Variants in ANO3 observed in about 807,000 individuals in gnomAD.
ANO3 encodes anoctamin 3, also known as anoctamin-3.
A neutral mutation model predicts 144.8 loss-of-function variants in ANO3; 99 were observed. That is an observed-to-expected ratio of 0.68 (90% CI 0.58 to 0.81). The LOEUF is 0.81. ANO3 is among the 30% of genes least tolerant of loss of function. The pLI, the probability that ANO3 is intolerant of heterozygous loss-of-function variation, is 0.00. For missense variants in ANO3, 905 were observed against 1,202.2 expected (o/e 0.75, Z 3.66); for synonymous variants, 414 against 392.6 (o/e 1.05, Z -0.64).
At chr11:26,341,089 C>T (rs895406397) in intron 1 of ANO3, among the ~76,000 whole-genome samples, 1 of 152,008 alleles carries the variant, frequency 6.6e-6, no homozygotes, top group African/African-American at 2.4e-5. Flanking sequence ...CCCCTCCCCT[C>T]CCCGCTTCTC....
intron 14 of ANO3, among the ~76,000 whole-genome samples, chr11:26,585,986 G>T (rs1851263832): frequency 6.6e-6 from 1 of 152,100 alleles, no homozygotes; most frequent in African/African-American, 2.4e-5. Flanking sequence ...AAAACAAAAT[G>T]ACAGCATTAT....
chr11:26,292,929 C>T (rs1487908332), intron 1 of ANO3, among the ~76,000 whole-genome samples: 2 of 152,118 alleles, frequency 1.3e-5, no homozygotes, highest in African/African-American at 2.4e-5. Context: ...TCTCAAACTC[C>T]GTGCTGGGAG....
chr11:26,560,899 G>T, intron 14 of ANO3: 1 of 615,272 alleles, frequency 1.6e-6, no homozygotes, highest in Non-Finnish European at 2.6e-6. Flanking sequence ...GAAAACCTTT[G>T]GATGATACAT....
chr11:26,430,661 A>T (rs1324833918), intron 1 of ANO3, among the ~76,000 whole-genome samples: 2 of 152,214 alleles, frequency 1.3e-5, no homozygotes, highest in Admixed American at 1.3e-4. Context: ...CAGAAAAGCA[A>T]TACATAAAGT....
intron 2 of ANO3, 44 bp from the exon 3 acceptor site, chr11:26,443,721 T>C (rs771986621): frequency 8.1e-7 from 1 of 1,230,126 alleles, no homozygotes; most frequent in South Asian, 1.4e-5. Context: ...TCTGTTGTTA[T>C]GCTTTTATTT....
At chr11:26,278,964 T>G (rs1853618642) in intron 1 of ANO3, among the ~76,000 whole-genome samples, 1 of 152,158 alleles carries the variant, frequency 6.6e-6, no homozygotes, top group Admixed American at 6.6e-5. Context: ...CCTTTCTACC[T>G]TTATGCTCCA....
intron 1 of ANO3, among the ~76,000 whole-genome samples, chr11:26,274,701 T>C (rs1853519590): frequency 6.6e-6 from 1 of 152,166 alleles, no homozygotes; most frequent in Admixed American, 6.6e-5. Flanking sequence ...TTGGTTACTT[T>C]GTTATACTTT....
intron 1 of ANO3, among the ~76,000 whole-genome samples, chr11:26,337,930 G>A (rs1855234829): frequency 1.3e-5 from 2 of 151,768 alleles, no homozygotes; most frequent in African/African-American, 4.8e-5. Context: ...GCAAAACTCA[G>A]TCTCAAAAGA....
chr11:26,433,634 T>C (rs914090427), intron 1 of ANO3, among the ~76,000 whole-genome samples: 3 of 152,350 alleles, frequency 2.0e-5, no homozygotes, highest in African/African-American at 7.2e-5. Context: ...AAAGCCTTTC[T>C]GCATCTATTG....
At chr11:26,324,545 C>A (rs1479110079) in intron 1 of ANO3, among the ~76,000 whole-genome samples, 1 of 152,162 alleles carries the variant, frequency 6.6e-6, no homozygotes, top group African/African-American at 2.4e-5. Context: ...TGAGCCCAAG[C>A]CAAAATTAGT....
At chr11:26,222,021 C>A (rs1852156015) in intron 1 of ANO3, among the ~76,000 whole-genome samples, 1 of 152,170 alleles carries the variant, frequency 6.6e-6, no homozygotes. Flanking sequence ...AAAATATAAT[C>A]ATCCCTTCCC....
At chr11:26,396,630 A>T (rs965902938) in intron 1 of ANO3, among the ~76,000 whole-genome samples, 1 of 152,006 alleles carries the variant, frequency 6.6e-6, no homozygotes, top group Non-Finnish European at 1.5e-5. Context: ...AGATGAGTTC[A>T]TGTCCTTTGC....
At chr11:26,652,427 T>G (rs1214618390) in intron 24 of ANO3, among the ~76,000 whole-genome samples, 1 of 152,144 alleles carries the variant, frequency 6.6e-6, no homozygotes, top group Non-Finnish European at 1.5e-5. Flanking sequence ...CTACAGTATG[T>G]GTCCCATGTA....
At chr11:26,396,135 A>G (rs1857007915) in intron 1 of ANO3, among the ~76,000 whole-genome samples, 1 of 152,214 alleles carries the variant, frequency 6.6e-6, no homozygotes, top group Non-Finnish European at 1.5e-5. Flanking sequence ...GAAGGATATG[A>G]ACAGACACTT....
chr11:26,380,379 AT>A (rs1350752963), intron 1 of ANO3, among the ~76,000 whole-genome samples: 1 of 152,202 alleles, frequency 6.6e-6, no homozygotes. Flanking sequence ...GCATTGATCT[AT>A]TCTGGCTGCT....
At chr11:26,338,567 T>G (rs886366520) in intron 1 of ANO3, among the ~76,000 whole-genome samples, 3 of 152,120 alleles carry the variant, frequency 2.0e-5, no homozygotes, top group Admixed American at 1.3e-4. Context: ...GTGTGGAAGC[T>G]TTGTTCTTTC....
At chr11:26,267,539 TC>T (rs1285914461) in intron 1 of ANO3, among the ~76,000 whole-genome samples, 6 of 152,242 alleles carry the variant, frequency 3.9e-5, no homozygotes, top group Admixed American at 2.6e-4. Context: ...CTGCAAAAAT[TC>T]CTTTGCTCTT....
intron 1 of ANO3, among the ~76,000 whole-genome samples, chr11:26,300,781 C>T (rs1273106471): frequency 6.6e-6 from 1 of 151,934 alleles, no homozygotes; most frequent in Non-Finnish European, 1.5e-5. Flanking sequence ...TAATATCGCT[C>T]ATATTCTTGT....
At chr11:26,236,061 T>C (rs1248003489) in intron 1 of ANO3, among the ~76,000 whole-genome samples, 1 of 152,188 alleles carries the variant, frequency 6.6e-6, no homozygotes. Flanking sequence ...ATTTTCTACA[T>C]ACCAGTATAC....
Sources: allele counts gnomAD v4.1 joint callset (sites outside exome capture counted in the v4.1 genomes callset), GRCh38; gene constraint gnomAD v4.1.1; transcripts MANE v1.5; gene names NCBI Gene and HGNC (gene_info 2026-07-23, HGNC 2026-07-21).